CAST: variants seen among roughly 807,000 people sequenced by gnomAD.
CAST encodes the protein MIR583 host.
Under a neutral mutation model 119.6 loss-of-function variants are expected in CAST, and 76 were observed. The observed-to-expected ratio is 0.64, with a 90% CI of 0.53 to 0.77. The LOEUF (loss-of-function observed/expected upper bound fraction) is 0.77. CAST is among the 30% of genes least tolerant of loss of function. The pLI is 0.00. For synonymous variants in CAST, 319 were observed against 331.6 expected, an observed-to-expected ratio of 0.96 and a Z score of 0.41; for missense variants, 953 against 946.5, an observed-to-expected ratio of 1.01 and a Z score of -0.09.
chr5:96,157,066 A>G, the CAST span, among the ~76,000 whole-genome samples: 2 of 152,214 alleles, frequency 1.3e-5, no homozygotes, highest in African/African-American at 2.4e-5. Context: ...TTAAATAGTT[A>G]TTTGTGATTT....
At chr5:96,432,992 G>A in the CAST span, 3 of 1,614,182 alleles carry the variant, frequency 1.9e-6, no homozygotes, top group East Asian at 2.2e-5. Flanking sequence ...CACACCAAGC[G>A]CAAAAGAGGA....
chr5:96,523,213 T>G (rs1307504142), upstream of CAST, among the ~76,000 whole-genome samples: 2 of 152,212 alleles, frequency 1.3e-5, no homozygotes, highest in Non-Finnish European at 2.9e-5. Context: ...CTGCCTGGTG[T>G]GCCCACACAT....
At chr5:96,041,229 C>A in the CAST span, among the ~76,000 whole-genome samples, 1 of 152,030 alleles carries the variant, frequency 6.6e-6, no homozygotes, top group Non-Finnish European at 1.5e-5. Flanking sequence ...AGTGATAAAT[C>A]ATATTGACAG....
chr5:96,023,030 T>C, the CAST span, among the ~76,000 whole-genome samples: 2 of 152,214 alleles, frequency 1.3e-5, no homozygotes, highest in African/African-American at 4.8e-5. Flanking sequence ...TGGTTACCTA[T>C]GTGGTAACCA....
chr5:96,398,851 T>A, the CAST span: 1 of 1,583,730 alleles, frequency 6.3e-7, no homozygotes, highest in Non-Finnish European at 8.7e-7. Flanking sequence ...CTTAAAAATA[T>A]AAATGGCTTA....
At chr5:96,497,452 G>T in the CAST span, among the ~76,000 whole-genome samples, 130,664 of 148,204 alleles carry the variant, frequency 0.88, 58,259 homozygotes, top group Middle Eastern at 0.98. Flanking sequence ...TTCCACAATG[G>T]TTGAACTAGT....
intron 1 of CAST, among the ~76,000 whole-genome samples, chr5:96,581,639 C>T (rs183711133): frequency 5.7e-4 from 87 of 152,230 alleles, no homozygotes; most frequent in African/African-American, 1.9e-3. Flanking sequence ...GCCTGTAATC[C>T]CAGCACTTTG....
chr5:96,177,847 G>C, the CAST span, among the ~76,000 whole-genome samples: 3 of 152,178 alleles, frequency 2.0e-5, no homozygotes, highest in Non-Finnish European at 4.4e-5. Flanking sequence ...GTTTGGAGAC[G>C]TTTTGCAGCT....
At chr5:96,418,199 G>A in the CAST span, among the ~76,000 whole-genome samples, 2 of 152,148 alleles carry the variant, frequency 1.3e-5, no homozygotes, top group Admixed American at 6.5e-5. Flanking sequence ...ACCTCCAAAC[G>A]TTGAGAGAAA....
At chr5:96,302,654 G>T in the CAST span, among the ~76,000 whole-genome samples, 3 of 152,180 alleles carry the variant, frequency 2.0e-5, no homozygotes, top group African/African-American at 7.2e-5. Context: ...TCTCTCTCAA[G>T]TTCAAAGTTC....
chr5:96,259,952 T>C, the CAST span, among the ~76,000 whole-genome samples: 10 of 151,918 alleles, frequency 6.6e-5, no homozygotes, highest in Middle Eastern at 3.4e-3. Flanking sequence ...CCTGCGTGAA[T>C]ACTTTTAAGA....
chr5:96,312,437 A>G, the CAST span, among the ~76,000 whole-genome samples: 1 of 152,034 alleles, frequency 6.6e-6, no homozygotes, highest in Non-Finnish European at 1.5e-5. Context: ...TTATTGACTC[A>G]AATTAGCTAT....
chr5:96,146,909 C>T, the CAST span, among the ~76,000 whole-genome samples: 2 of 152,228 alleles, frequency 1.3e-5, no homozygotes, highest in African/African-American at 4.8e-5. Context: ...TGGCTCTTAA[C>T]TGCCTCAGTC....
chr5:96,300,390 G>A, the CAST span, among the ~76,000 whole-genome samples: 21 of 151,908 alleles, frequency 1.4e-4, no homozygotes, highest in African/African-American at 2.2e-4. Flanking sequence ...TATCACCTTC[G>A]TTGAAAATCA....
the CAST span, among the ~76,000 whole-genome samples, chr5:96,428,212 G>A: frequency 1.3e-4 from 19 of 151,938 alleles, no homozygotes; most frequent in South Asian, 1.0e-3. Flanking sequence ...CATGAATTTC[G>A]TCTACTTTCA....
the CAST span, among the ~76,000 whole-genome samples, chr5:96,103,138 G>A: frequency 2.0e-5 from 3 of 151,932 alleles, no homozygotes; most frequent in African/African-American, 7.2e-5. Context: ...AAATTTGGAG[G>A]GCAGAAATAT....
the CAST span, among the ~76,000 whole-genome samples, chr5:96,420,210 G>A: frequency 4.6e-5 from 7 of 152,324 alleles, no homozygotes; most frequent in South Asian, 1.5e-3. Flanking sequence ...TTTAGGGGAA[G>A]AAAATGGAAT....
the CAST span, among the ~76,000 whole-genome samples, chr5:96,146,370 C>T: frequency 6.6e-6 from 1 of 152,204 alleles, no homozygotes; most frequent in South Asian, 2.1e-4. Context: ...TAGACCAATT[C>T]CACCAGAATT....
the CAST span, among the ~76,000 whole-genome samples, chr5:96,152,049 G>A: frequency 5.3e-5 from 8 of 152,270 alleles, no homozygotes; most frequent in African/African-American, 1.9e-4. Flanking sequence ...ACAGTCTCAG[G>A]AGGAAGGAGG....
Sources: gnomAD v4.1 joint callset for allele counts (sites outside exome capture counted in the v4.1 genomes callset) on GRCh38, gnomAD v4.1.1 for gene constraint, MANE v1.5 for transcripts, NCBI Gene and HGNC (gene_info 2026-07-23, HGNC 2026-07-21) for gene names.